The following DRC11 variants were observed in gnomAD, a reference collection of about 807,000 sequenced individuals.
DRC11 encodes dynein regulatory complex subunit 11, also known as IQ and AAA domain-containing protein 1.
At chr2:236,317,779 T>C in the DRC11 span, among the ~76,000 whole-genome samples, 3 of 152,224 alleles carry the variant, frequency 2.0e-5, no homozygotes, top group Non-Finnish European at 4.4e-5. The surrounding 1 kb of genome is among the most constrained non-coding windows in gnomAD (Gnocchi z 5.4). Context: ...ATGAGTGCTA[T>C]GGTTAAAGTA....
At chr2:236,345,090 G>A in the DRC11 span, among the ~76,000 whole-genome samples, 3 of 150,808 alleles carry the variant, frequency 2.0e-5, no homozygotes, top group Admixed American at 2.0e-4. Flanking sequence ...GGGGTGTGCA[G>A]AGCCCTGGTT....
chr2:236,399,488 C>T, the DRC11 span: 1 of 1,613,486 alleles, frequency 6.2e-7, no homozygotes, highest in African/African-American at 1.3e-5. The surrounding 1 kb of genome is among the most constrained non-coding windows in gnomAD (Gnocchi z 7.0). Flanking sequence ...TCGTCTTCTT[C>T]CTGTTCAAAG....
chr2:236,350,118 G>T, the DRC11 span, among the ~76,000 whole-genome samples: 3 of 152,262 alleles, frequency 2.0e-5, no homozygotes, highest in Non-Finnish European at 2.9e-5. This position sits in a 1 kb window ranked among gnomAD's most constrained non-coding sequence, Gnocchi z 5.2. Flanking sequence ...AACAGGAGTC[G>T]CCCTAACTTG....
the DRC11 span, chr2:236,377,246 G>A: frequency 0.17 from 173,166 of 1,018,972 alleles, 15,543 homozygotes; most frequent in Admixed American, 0.21. This position sits in a 1 kb window ranked among gnomAD's most constrained non-coding sequence, Gnocchi z 4.9. Context: ...CGGTATTTCT[G>A]TTAATGATCA....
At chr2:236,411,641 C>T in the DRC11 span, among the ~76,000 whole-genome samples, 1 of 149,824 alleles carries the variant, frequency 6.7e-6, no homozygotes, top group Admixed American at 6.6e-5. Flanking sequence ...GACTTGGAAC[C>T]AACCCAAATG....
the DRC11 span, among the ~76,000 whole-genome samples, chr2:236,387,529 A>T: frequency 6.6e-6 from 1 of 151,736 alleles, no homozygotes; most frequent in Non-Finnish European, 1.5e-5. Context: ...ATCTTCCTCC[A>T]TCCTTTTATT....
At chr2:236,479,838 T>C in the DRC11 span, among the ~76,000 whole-genome samples, 2 of 152,186 alleles carry the variant, frequency 1.3e-5, no homozygotes, top group African/African-American at 4.8e-5. This position sits in a 1 kb window ranked among gnomAD's most constrained non-coding sequence, Gnocchi z 4.1. Flanking sequence ...TTTAGATCTT[T>C]AAATGTTTTC....
chr2:236,344,512 T>G, the DRC11 span: 3 of 1,401,910 alleles, frequency 2.1e-6, no homozygotes, highest in Non-Finnish European at 3.0e-6. Context: ...AGGGCCTCCT[T>G]TGGAGGAAAG....
At chr2:236,497,613 T>A in the DRC11 span, 1 of 669,016 alleles carries the variant, frequency 1.5e-6, no homozygotes, top group Non-Finnish European at 2.5e-6. The surrounding 1 kb of genome is among the most constrained non-coding windows in gnomAD (Gnocchi z 5.1). Flanking sequence ...TATAGTTATA[T>A]AGTTGCAAGG....
At chr2:236,349,954 C>T in the DRC11 span, among the ~76,000 whole-genome samples, 5 of 152,218 alleles carry the variant, frequency 3.3e-5, no homozygotes, top group South Asian at 2.1e-4. The surrounding 1 kb of genome is among the most constrained non-coding windows in gnomAD (Gnocchi z 5.5). Flanking sequence ...GATCACTTCT[C>T]GCGATGTCCA....
the DRC11 span, among the ~76,000 whole-genome samples, chr2:236,506,697 C>T: frequency 2.0e-5 from 3 of 152,198 alleles, no homozygotes; most frequent in Non-Finnish European, 2.9e-5. This position sits in a 1 kb window ranked among gnomAD's most constrained non-coding sequence, Gnocchi z 4.9. Flanking sequence ...AGGGTCAGCG[C>T]TGTAATACCT....
the DRC11 span, among the ~76,000 whole-genome samples, chr2:236,476,343 C>T: frequency 8.8e-4 from 134 of 151,996 alleles, no homozygotes; most frequent in African/African-American, 3.0e-3. This position sits in a 1 kb window ranked among gnomAD's most constrained non-coding sequence, Gnocchi z 4.7. Flanking sequence ...AATGGGATTA[C>T]TTTTTTGAAT....
the DRC11 span, chr2:236,344,744 C>T: frequency 1.3e-6 from 1 of 782,282 alleles, no homozygotes; most frequent in Non-Finnish European, 2.1e-6. Context: ...GTGCAGAGCC[C>T]TGGTTGTAAC....
chr2:236,366,785 C>T, the DRC11 span, among the ~76,000 whole-genome samples: 1 of 144,466 alleles, frequency 6.9e-6, no homozygotes, highest in Non-Finnish European at 1.5e-5. Flanking sequence ...CTCCCTCCCT[C>T]TCCCTCTCCC....
the DRC11 span, among the ~76,000 whole-genome samples, chr2:236,476,441 A>G: frequency 2.0e-5 from 3 of 152,138 alleles, no homozygotes; most frequent in Non-Finnish European, 4.4e-5. This position sits in a 1 kb window ranked among gnomAD's most constrained non-coding sequence, Gnocchi z 4.7. Context: ...GAATTCATTT[A>G]TAAATTCTCA....
the DRC11 span, among the ~76,000 whole-genome samples, chr2:236,473,675 C>T: frequency 1.3e-5 from 2 of 152,086 alleles, no homozygotes; most frequent in Non-Finnish European, 2.9e-5. This position sits in a 1 kb window ranked among gnomAD's most constrained non-coding sequence, Gnocchi z 4.8. Flanking sequence ...CTACTTGATC[C>T]ACTCCATTGG....
At chr2:236,309,730 A>C in the DRC11 span, among the ~76,000 whole-genome samples, 2 of 152,196 alleles carry the variant, frequency 1.3e-5, no homozygotes, top group Admixed American at 6.5e-5. The surrounding 1 kb of genome is among the most constrained non-coding windows in gnomAD (Gnocchi z 5.7). Context: ...AGTGCTTGCA[A>C]GTCTCCACTT....
the DRC11 span, among the ~76,000 whole-genome samples, chr2:236,426,677 G>C: frequency 6.6e-6 from 1 of 152,178 alleles, no homozygotes; most frequent in East Asian, 1.9e-4. This position sits in a 1 kb window ranked among gnomAD's most constrained non-coding sequence, Gnocchi z 4.1. Context: ...AAAGTGCTGG[G>C]ATTACAGGCG....
At chr2:236,309,063 A>G in the DRC11 span, among the ~76,000 whole-genome samples, 14 of 152,190 alleles carry the variant, frequency 9.2e-5, no homozygotes, top group Admixed American at 9.2e-4. This position sits in a 1 kb window ranked among gnomAD's most constrained non-coding sequence, Gnocchi z 5.7. Flanking sequence ...GAAAAGGTTA[A>G]TGGCTGATGA....
Sources: allele counts gnomAD v4.1 joint callset (sites outside exome capture counted in the v4.1 genomes callset), GRCh38; gene constraint gnomAD v4.1.1; non-coding constraint Gnocchi (gnomAD v3.1); transcripts MANE v1.5; gene names NCBI Gene and HGNC (gene_info 2026-07-23, HGNC 2026-07-21).